SEC14L5: variants seen among roughly 807,000 people sequenced by gnomAD.
The protein encoded by SEC14L5 is SEC14-like protein 5.
Under a neutral mutation model 84.6 loss-of-function variants are expected in SEC14L5, and 96 were observed. The ratio of observed to expected loss-of-function variants is 1.13; its 90% CI spans 0.96 to 1.34. The LOEUF is 1.34. Among genes scored for constraint, SEC14L5 ranks in the 40% most tolerant of loss-of-function variants. The pLI, the probability that SEC14L5 is intolerant of heterozygous loss-of-function variation, is 0.00. For missense variants in SEC14L5, 1,224 were observed against 942.5 expected (o/e 1.30, Z -3.91); for synonymous variants, 546 against 383.4 (o/e 1.42, Z -4.95).
intron 12 of SEC14L5, among the ~76,000 whole-genome samples, 169 bp from the exon 13 acceptor site, chr16:5,007,183 A>C (rs958811839): frequency 6.6e-6 from 1 of 152,146 alleles, no homozygotes; most frequent in East Asian, 1.9e-4. Context: ...AATAGTCTCT[A>C]CTGCATTGGT....
intron 2 of SEC14L5, among the ~76,000 whole-genome samples, chr16:4,959,690 A>G (rs910937098): frequency 6.6e-6 from 1 of 152,228 alleles, no homozygotes; most frequent in Non-Finnish European, 1.5e-5. Flanking sequence ...CTGTCATTTC[A>G]TATAATGGCA....
At chr16:5,008,767 C>T (rs1955765720) in intron 14 of SEC14L5, 119 bp downstream of exon 14, 3 of 851,198 alleles carry the variant, frequency 3.5e-6, no homozygotes, top group Non-Finnish European at 5.6e-6. Flanking sequence ...GCCTCAGGGA[C>T]CCTGCAGGAC....
chr16:4,979,374 G>A (rs965564514), intron 2 of SEC14L5, among the ~76,000 whole-genome samples: 1 of 152,206 alleles, frequency 6.6e-6, no homozygotes, highest in East Asian at 1.9e-4. Context: ...CTATGGGCAA[G>A]TGACTTAAAC....
intron 2 of SEC14L5, among the ~76,000 whole-genome samples, chr16:4,976,249 C>T (rs1955337569): frequency 6.6e-6 from 1 of 152,130 alleles, no homozygotes; most frequent in African/African-American, 2.4e-5. Flanking sequence ...AATTAAGGAA[C>T]TGAGAGCTTG....
chr16:5,009,004 T>C (rs145422462), intron 14 of SEC14L5, among the ~76,000 whole-genome samples: 1 of 152,160 alleles, frequency 6.6e-6, no homozygotes, highest in Non-Finnish European at 1.5e-5. Context: ...TACCACAAAC[T>C]ACATGGCCTA....
chr16:4,975,838 G>T (rs1158764204), intron 2 of SEC14L5, among the ~76,000 whole-genome samples: 1 of 152,176 alleles, frequency 6.6e-6, no homozygotes, highest in Non-Finnish European at 1.5e-5. Context: ...CTTACTCAGT[G>T]GCTGCGTAGT....
chr16:4,965,332 C>T lies in SEC14L5; in HGVS notation c.63+5946C>T, dbSNP rs528065263. Reference sequence around the variant, plus strand: ...AATAGTGCTGCTATAAATATTTATGCACAAGTTTTTGTATGAACATATTCT... The same window carrying T: ...AATAGTGCTGCTATAAATATTTATGTACAAGTTTTTGTATGAACATATTCT... On this transcript the variant is annotated intron_variant, in intron 2 of 15. Transcript: ENST00000251170. 3.9e-5 allele frequency among the ~76,000 whole-genome samples: 6 copies of T among 152,210 alleles called. No individual in the cohort carries two copies. The South Asian group carries it at 1.2e-3, about 32-fold the overall frequency.
chr16:4,966,418 T>C (rs1955201389), intron 2 of SEC14L5, among the ~76,000 whole-genome samples: 1 of 149,940 alleles, frequency 6.7e-6, no homozygotes, highest in Non-Finnish European at 1.5e-5. Context: ...GGAGTACAAG[T>C]GCCCGCCACC....
intron 2 of SEC14L5, among the ~76,000 whole-genome samples, chr16:4,978,541 C>T (rs1483649319): frequency 6.7e-6 from 1 of 149,194 alleles, no homozygotes; most frequent in Non-Finnish European, 1.5e-5. Flanking sequence ...GCCTCAGCCA[C>T]CTGAGTAGCT....
chr16:4,974,091 G>T (rs1031885385), intron 2 of SEC14L5, among the ~76,000 whole-genome samples: 4 of 152,120 alleles, frequency 2.6e-5, no homozygotes, highest in African/African-American at 9.7e-5. Flanking sequence ...AGGGGAGGGG[G>T]CGGAGATGGG....
intron 6 of SEC14L5, among the ~76,000 whole-genome samples, chr16:4,995,649 C>T (rs1335651409): frequency 3.0e-5 from 4 of 134,408 alleles, no homozygotes; most frequent in East Asian, 2.1e-4. Context: ...TTTTTTAAGA[C>T]GGAGTCTCAC....
At chr16:4,983,684 C>G (rs759826393) in intron 2 of SEC14L5, among the ~76,000 whole-genome samples, 3 of 151,788 alleles carry the variant, frequency 2.0e-5, no homozygotes, top group Non-Finnish European at 2.9e-5. Context: ...CAAGACCAAC[C>G]TGACCAACAT....
At chr16:4,968,674 A>C (rs1955236139) in intron 2 of SEC14L5, among the ~76,000 whole-genome samples, 1 of 152,100 alleles carries the variant, frequency 6.6e-6, no homozygotes, top group South Asian at 2.1e-4. Context: ...TGGCTTTAGG[A>C]ATGACCTGGT....
intron 2 of SEC14L5, among the ~76,000 whole-genome samples, chr16:4,972,947 A>C (rs1955298056): frequency 6.6e-6 from 1 of 152,216 alleles, no homozygotes; most frequent in Non-Finnish European, 1.5e-5. Flanking sequence ...GCTGTTGCTC[A>C]TTCATTCGTC....
At chr16:5,014,285 A>T (rs1391307240) in intron 15 of SEC14L5, among the ~76,000 whole-genome samples, 1 of 152,158 alleles carries the variant, frequency 6.6e-6, no homozygotes, top group Non-Finnish European at 1.5e-5. Flanking sequence ...ATGGTGCCTC[A>T]CGCCTGTAAT....
intron 14 of SEC14L5, 46 bp downstream of exon 14, chr16:5,008,694 G>A: frequency 6.6e-7 from 1 of 1,519,734 alleles, no homozygotes; most frequent in Non-Finnish European, 9.0e-7. Context: ...GCAGCACTGA[G>A]TGTCCACTGC....
intron 2 of SEC14L5, 69 bp from the exon 3 acceptor site, chr16:4,987,488 A>T: frequency 8.0e-7 from 1 of 1,247,378 alleles, no homozygotes; most frequent in Non-Finnish European, 1.1e-6. Context: ...GCAGATAAGG[A>T]GGTCGCGCTG....
intron 8 of SEC14L5, 39 bp from the exon 9 acceptor site, chr16:5,000,612 CTAAA>C: frequency 6.8e-7 from 1 of 1,468,776 alleles, no homozygotes; most frequent in Non-Finnish European, 9.3e-7. Flanking sequence ...AAGCAGTCCT[CTAAA>C]TAACGGGCTC....
chr16:4,963,948 A>C (rs1323585838), intron 2 of SEC14L5, among the ~76,000 whole-genome samples: 1 of 152,246 alleles, frequency 6.6e-6, no homozygotes, highest in African/African-American at 2.4e-5. Flanking sequence ...TGGCCTCCCA[A>C]AGGGCTGGGA....
Sources: gnomAD v4.1 joint callset for allele counts (sites outside exome capture counted in the v4.1 genomes callset) on GRCh38, gnomAD v4.1.1 for gene constraint, MANE v1.5 for transcripts, NCBI Gene and HGNC (gene_info 2026-07-23, HGNC 2026-07-21) for gene names.